RTL4: variants seen among roughly 807,000 people sequenced by gnomAD.
The protein encoded by RTL4 is retrotransposon Gag like 4, also known as retrotransposon Gag-like protein 4.
In RTL4, 4 loss-of-function variants were observed where a neutral mutation model predicts 5.3. That is an observed-to-expected ratio of 0.75 (90% CI 0.37 to 1.72). RTL4 has a LOEUF of 1.72. Among genes scored for constraint, RTL4 ranks in the 40% most tolerant of loss-of-function variants. The probability of loss-of-function intolerance (pLI) is 0.04; values close to 1 mark genes in which losing one functional copy is unlikely to be tolerated. For missense variants in RTL4, 260 were observed against 227.1 expected (o/e 1.14, Z -0.93); for synonymous variants, 98 against 87.3 (o/e 1.12, Z -0.68).
At chrX:112,112,524 G>T in the RTL4 span, among the ~76,000 whole-genome samples, 1 of 112,233 alleles carries the variant, frequency 8.9e-6, no homozygotes, top group Non-Finnish European at 1.9e-5. Context: ...GAGGGCCCTG[G>T]TTCCTCTGGC....
the RTL4 span, among the ~76,000 whole-genome samples, chrX:112,271,242 T>C: frequency 2.7e-5 from 3 of 111,754 alleles, no homozygotes; most frequent in Admixed American, 9.4e-5. Flanking sequence ...TAAGACAGAG[T>C]GTGAGATTAG....
chrX:112,287,385 T>C, the RTL4 span, among the ~76,000 whole-genome samples: 2 of 112,215 alleles, frequency 1.8e-5, no homozygotes, highest in South Asian at 3.7e-4. Flanking sequence ...AAGTACTGTA[T>C]ATAAAATAAG....
chrX:112,195,767 G>A, the RTL4 span, among the ~76,000 whole-genome samples: 2 of 111,420 alleles, frequency 1.8e-5, no homozygotes, highest in Non-Finnish European at 3.8e-5. Flanking sequence ...CCTAGGATTT[G>A]TCTGTTGGCA....
chrX:112,348,491 A>AACAC, the RTL4 span, among the ~76,000 whole-genome samples: 3 of 108,653 alleles, frequency 2.8e-5, no homozygotes, highest in South Asian at 3.9e-4. Flanking sequence ...GACAATTAAA[A>AACAC]ACACACACAC....
chrX:112,349,318 C>T, the RTL4 span, among the ~76,000 whole-genome samples: 1 of 111,297 alleles, frequency 9.0e-6, no homozygotes, highest in Non-Finnish European at 1.9e-5. Context: ...CTTCAGAATT[C>T]CTTATCACTT....
chrX:112,456,068 T>C, exon 1 of RTL4: 1 of 286,376 alleles, frequency 3.5e-6, no homozygotes, highest in Non-Finnish European at 6.3e-6. Context: ...CCCAAGACTT[T>C]TACCTTCACC....
the RTL4 span, among the ~76,000 whole-genome samples, chrX:112,195,863 A>G: frequency 9.0e-6 from 1 of 111,677 alleles, no homozygotes; most frequent in Admixed American, 9.6e-5. Context: ...TAGAAACACA[A>G]CTTTGAGGGG....
chrX:112,205,913 C>G, the RTL4 span, among the ~76,000 whole-genome samples: 6 of 112,066 alleles, frequency 5.4e-5, no homozygotes, highest in African/African-American at 1.9e-4. Flanking sequence ...GGGACTGGAG[C>G]TTTTAGGATA....
chrX:112,088,936 A>G, the RTL4 span, among the ~76,000 whole-genome samples: 2 of 111,852 alleles, frequency 1.8e-5, no homozygotes, highest in Admixed American at 1.9e-4. Flanking sequence ...TTGAGTTATA[A>G]ATGTTCTTTA....
the RTL4 span, among the ~76,000 whole-genome samples, chrX:112,302,395 A>G: frequency 9.0e-6 from 1 of 111,687 alleles, no homozygotes; most frequent in Non-Finnish European, 1.9e-5. Context: ...TCTCCATCTG[A>G]AAAATGGGGA....
the RTL4 span, among the ~76,000 whole-genome samples, chrX:112,301,390 A>G: frequency 3.5e-4 from 39 of 112,534 alleles, no homozygotes; most frequent in African/African-American, 1.2e-3. Flanking sequence ...AAATAATGGC[A>G]TAGTACTGTG....
At chrX:112,418,614 A>T in the RTL4 span, among the ~76,000 whole-genome samples, 1 of 110,473 alleles carries the variant, frequency 9.1e-6, no homozygotes, top group African/African-American at 3.3e-5. Context: ...GAGATTGTAC[A>T]CTCAGCCAGC....
the RTL4 span, among the ~76,000 whole-genome samples, chrX:112,312,890 T>A: frequency 1.8e-5 from 2 of 110,900 alleles, no homozygotes; most frequent in Non-Finnish European, 3.8e-5. Context: ...TCCCTTTTCC[T>A]TATACTAGCT....
the RTL4 span, among the ~76,000 whole-genome samples, chrX:112,288,316 A>G: frequency 8.9e-6 from 1 of 112,246 alleles, no homozygotes; most frequent in Non-Finnish European, 1.9e-5. Flanking sequence ...CTTGGTTTAT[A>G]TGTTCACCTG....
At chrX:112,392,433 G>A in the RTL4 span, among the ~76,000 whole-genome samples, 1 of 111,964 alleles carries the variant, frequency 8.9e-6, no homozygotes, top group South Asian at 3.8e-4. Flanking sequence ...CAGCACAGAT[G>A]GTGGCCTTTT....
chrX:112,404,439 A>G, the RTL4 span, among the ~76,000 whole-genome samples: 1 of 111,783 alleles, frequency 8.9e-6, no homozygotes, highest in East Asian at 2.8e-4. Flanking sequence ...AATATATTCC[A>G]CCTTCACAAA....
chrX:112,436,602 T>C, the RTL4 span, among the ~76,000 whole-genome samples: 1 of 111,701 alleles, frequency 9.0e-6, no homozygotes, highest in Middle Eastern at 4.6e-3. Context: ...ATAGGAGATA[T>C]GAATAACCAG....
the RTL4 span, among the ~76,000 whole-genome samples, chrX:112,232,954 C>G: frequency 1.8e-5 from 2 of 111,203 alleles, no homozygotes; most frequent in Non-Finnish European, 3.8e-5. Context: ...GATGGTATTA[C>G]AGCTACCATC....
the RTL4 span, among the ~76,000 whole-genome samples, chrX:112,251,967 C>A: frequency 9.0e-6 from 1 of 111,457 alleles, no homozygotes; most frequent in Non-Finnish European, 1.9e-5. Flanking sequence ...TACACTCAAG[C>A]ACGGAAGGTG....
Sources: gnomAD v4.1 joint callset for allele counts (sites outside exome capture counted in the v4.1 genomes callset) on GRCh38, gnomAD v4.1.1 for gene constraint, MANE v1.5 for transcripts, NCBI Gene and HGNC (gene_info 2026-07-23, HGNC 2026-07-21) for gene names.